The following SNX29 variants were observed in gnomAD, a reference collection of about 807,000 sequenced individuals.
SNX29 encodes sorting nexin 29.
SNX29 carries 78 observed loss-of-function variants against 102.1 expected under a neutral mutation model. That is an observed-to-expected ratio of 0.76 (90% CI 0.64 to 0.92). SNX29 has a LOEUF of 0.92. SNX29 is among the 40% of genes least tolerant of loss of function. The probability of loss-of-function intolerance (pLI) is 0.00; values close to 1 mark genes in which losing one functional copy is unlikely to be tolerated. For missense variants in SNX29, 1,280 were observed against 1,061.7 expected (o/e 1.21, Z -2.86); for synonymous variants, 580 against 414.5 (o/e 1.40, Z -4.85).
chr16:12,319,028 G>T (rs188378854), intron 15 of SNX29, among the ~76,000 whole-genome samples: 1 of 152,228 alleles, frequency 6.6e-6, no homozygotes. Flanking sequence ...TGTTTGTGGA[G>T]GCCTGGGGAG....
At chr16:12,051,325 C>T (rs1372988962) in intron 7 of SNX29, among the ~76,000 whole-genome samples, 1 of 107,494 alleles carries the variant, frequency 9.3e-6, no homozygotes, top group African/African-American at 3.9e-5. Context: ...CGAGATGCCC[C>T]AACTCTTAAA....
At chr16:12,468,958 C>T (rs959373819) in intron 18 of SNX29, among the ~76,000 whole-genome samples, 1 of 152,226 alleles carries the variant, frequency 6.6e-6, no homozygotes, top group East Asian at 1.9e-4. Flanking sequence ...TGTCCAGAGA[C>T]AGTAGAGCAT....
chr16:12,013,007 G>T (rs2056704469), intron 3 of SNX29, among the ~76,000 whole-genome samples: 1 of 151,748 alleles, frequency 6.6e-6, no homozygotes, highest in Non-Finnish European at 1.5e-5. Context: ...ATGGGTTGGG[G>T]TGGGTGGAGG....
At chr16:12,527,383 G>T (rs1256554488) in intron 20 of SNX29, 1 of 497,222 alleles carries the variant, frequency 2.0e-6, no homozygotes, top group South Asian at 1.6e-5. Flanking sequence ...AAAATCTCCT[G>T]CCTAAGGAAA....
At chr16:12,455,738 G>C (rs567281310) in intron 18 of SNX29, among the ~76,000 whole-genome samples, 43 of 152,332 alleles carry the variant, frequency 2.8e-4, no homozygotes, top group African/African-American at 1.0e-3. Flanking sequence ...GGTCTTGACT[G>C]TCAGAAGCGT....
At position 12,482,997 on chromosome 16, in the gene SNX29, C is replaced by T. The variant is rs570774779; in HGVS notation, c.2178+5138C>T. Among the ~76,000 whole-genome samples, 20 of 151,882 alleles carry T rather than the reference C, an allele frequency of 1.3e-4. No individual in the cohort carries two copies. In the East Asian group the frequency reaches 2.3e-3, roughly 18 times the overall value. ...CTGGAGGTGTCCATGCCTTCACATA[C>T]TGTATCAAGTTCAAATCATGTTGAA... On this transcript the variant is annotated intron_variant, in intron 19 of 20. Transcript: ENST00000566228.
chr16:12,330,060 A>C (rs1253689064), intron 15 of SNX29, among the ~76,000 whole-genome samples: 1 of 152,218 alleles, frequency 6.6e-6, no homozygotes, highest in African/African-American at 2.4e-5. Flanking sequence ...GGGGATAATG[A>C]AGACCCATTG....
At chr16:12,310,809 AAAAT>A (rs932391727) in intron 15 of SNX29, among the ~76,000 whole-genome samples, 10 of 152,224 alleles carry the variant, frequency 6.6e-5, no homozygotes, top group African/African-American at 1.9e-4. Context: ...GCTTAAAAAA[AAAAT>A]AAAGGCAAGG....
At chr16:12,446,757 C>A (rs1055294326) in intron 18 of SNX29, among the ~76,000 whole-genome samples, 1 of 152,112 alleles carries the variant, frequency 6.6e-6, no homozygotes, top group Non-Finnish European at 1.5e-5. Context: ...CACTTAGAAT[C>A]GGCTCCAGTA....
intron 19 of SNX29, among the ~76,000 whole-genome samples, chr16:12,483,094 A>G (rs182007426): frequency 4.4e-4 from 58 of 130,828 alleles, no homozygotes; most frequent in Admixed American, 2.0e-3. Flanking sequence ...GCCACAATAG[A>G]TACATATTGA....
At chr16:12,524,991 A>G (rs2141130865) in intron 20 of SNX29, 150 bp downstream of exon 20, 1 of 1,151,244 alleles carries the variant, frequency 8.7e-7, no homozygotes, top group Non-Finnish European at 1.2e-6. Flanking sequence ...CAGGTGCCAA[A>G]GTGGAGGTTG....
chr16:12,479,829 G>T (rs552999281), intron 19 of SNX29, among the ~76,000 whole-genome samples: 1 of 152,284 alleles, frequency 6.6e-6, no homozygotes, highest in Non-Finnish European at 1.5e-5. Flanking sequence ...ATCTGCCTGT[G>T]TCTTGTGCTA....
chr16:12,220,522 GA>G (rs1309685633), intron 14 of SNX29, among the ~76,000 whole-genome samples: 1 of 152,096 alleles, frequency 6.6e-6, no homozygotes, highest in Non-Finnish European at 1.5e-5. Context: ...GGGACCTGGT[GA>G]AAAATGGAAA....
In SNX29 at chr16:12,155,129, C is replaced by G. The variant is rs144023927; in HGVS notation, c.1595+25371C>G. ...CTGGACTTCTTGCTTGTCCTGCCCC[C>G]GTTGGTTGCCCCACCACCCCTTCCG... On this transcript the variant is annotated intron_variant, in intron 13 of 20. Coordinates refer to ENST00000566228, the MANE Select transcript of SNX29 (RefSeq NM_032167.5). Among the ~76,000 whole-genome samples, 202 of 152,232 alleles carry G rather than the reference C, an allele frequency of 1.3e-3. 1 individual carries two copies. Among genetic ancestry groups the G allele is most frequent in the African/African-American group, 4.3e-3 (180 of 41,542 alleles).
At chr16:12,567,808 G>A (rs2079074336) in intron 20 of SNX29, among the ~76,000 whole-genome samples, 1 of 152,096 alleles carries the variant, frequency 6.6e-6, no homozygotes, top group African/African-American at 2.4e-5. Context: ...AGGACTTCCT[G>A]CTGAGCACCC....
chr16:12,551,936 G>T (rs369016874), intron 20 of SNX29, among the ~76,000 whole-genome samples: 1 of 152,162 alleles, frequency 6.6e-6, no homozygotes, highest in African/African-American at 2.4e-5. Flanking sequence ...CCACTGTGAG[G>T]ATCCAGTGAG....
chr16:12,548,633 C>G (rs978122763), intron 20 of SNX29, among the ~76,000 whole-genome samples: 4 of 152,218 alleles, frequency 2.6e-5, no homozygotes, highest in Non-Finnish European at 4.4e-5. Flanking sequence ...AGAAGAGGCT[C>G]TTCAGGGGCC....
chr16:12,251,088 G>T (rs1246422973), intron 14 of SNX29, among the ~76,000 whole-genome samples: 2 of 152,222 alleles, frequency 1.3e-5, no homozygotes, highest in African/African-American at 4.8e-5. Flanking sequence ...ATCCTGCTTT[G>T]TTGGGAGCAT....
intron 1 of SNX29, among the ~76,000 whole-genome samples, chr16:11,986,738 A>G (rs1032715941): frequency 6.6e-6 from 1 of 152,214 alleles, no homozygotes; most frequent in Non-Finnish European, 1.5e-5. Flanking sequence ...TTTCCTGTGA[A>G]GGGCCAGATA....
Sources: gnomAD v4.1 joint callset for allele counts (sites outside exome capture counted in the v4.1 genomes callset) on GRCh38, gnomAD v4.1.1 for gene constraint, MANE v1.5 for transcripts, NCBI Gene and HGNC (gene_info 2026-07-23, HGNC 2026-07-21) for gene names.